The following SLC2A13 variants were observed in gnomAD, a reference collection of about 807,000 sequenced individuals.
SLC2A13 encodes proton myo-inositol cotransporter.
SLC2A13 carries 32 observed loss-of-function variants against 64.4 expected under a neutral mutation model. That is an observed-to-expected ratio of 0.50 (90% CI 0.37 to 0.67). SLC2A13 has a LOEUF of 0.67. SLC2A13 is among the 30% of genes least tolerant of loss of function. The probability of loss-of-function intolerance (pLI) is 0.00; values close to 1 mark genes in which losing one functional copy is unlikely to be tolerated. For synonymous variants in SLC2A13, 338 were observed against 327.1 expected (o/e 1.03, Z -0.36); for missense variants, 743 against 829.2 (o/e 0.90, Z 1.28).
intron 7 of SLC2A13, among the ~76,000 whole-genome samples, chr12:39,814,403 A>C (rs1942280967): frequency 6.6e-6 from 1 of 152,214 alleles, no homozygotes; most frequent in Non-Finnish European, 1.5e-5. Context: ...CTATTCCTTT[A>C]AGAACAACAC....
chr12:39,947,742 G>C (rs1162161166), intron 4 of SLC2A13, among the ~76,000 whole-genome samples: 1 of 145,508 alleles, frequency 6.9e-6, no homozygotes, highest in African/African-American at 2.6e-5. Context: ...CTCACTTCAA[G>C]CTCTGCCTCA....
chr12:39,863,695 A>T (rs1290481136), intron 6 of SLC2A13, among the ~76,000 whole-genome samples: 1 of 152,172 alleles, frequency 6.6e-6, no homozygotes, highest in Non-Finnish European at 1.5e-5. Context: ...AGACTATGAA[A>T]GTCAGTGAGC....
At chr12:39,960,925 T>C (rs1303159467) in intron 3 of SLC2A13, among the ~76,000 whole-genome samples, 1 of 148,860 alleles carries the variant, frequency 6.7e-6, no homozygotes, top group African/African-American at 2.5e-5. Context: ...ATTTTGTATT[T>C]TGGTAGAGAT....
intron 3 of SLC2A13, among the ~76,000 whole-genome samples, chr12:40,021,497 G>A (rs1416821479): frequency 1.3e-5 from 2 of 152,192 alleles, no homozygotes; most frequent in Non-Finnish European, 2.9e-5. Context: ...CATAAGGATT[G>A]AGAATTAAAG....
At chr12:39,986,252 G>T (rs1029049442) in intron 3 of SLC2A13, among the ~76,000 whole-genome samples, 1 of 152,060 alleles carries the variant, frequency 6.6e-6, no homozygotes, top group African/African-American at 2.4e-5. Context: ...TTCAATATAT[G>T]AATTGGGGTG....
intron 7 of SLC2A13, among the ~76,000 whole-genome samples, chr12:39,806,407 C>T (rs1476116006): frequency 6.6e-6 from 1 of 152,190 alleles, no homozygotes; most frequent in Non-Finnish European, 1.5e-5. Context: ...AAATGGCATT[C>T]TGTCCCCTGA....
intron 3 of SLC2A13, among the ~76,000 whole-genome samples, chr12:40,019,342 A>T (rs1451363925): frequency 7.0e-6 from 1 of 143,598 alleles, no homozygotes; most frequent in African/African-American, 2.6e-5. Flanking sequence ...GCTCTTTAAG[A>T]GCAAGGACAA....
chr12:39,822,808 A>G (rs189417004), intron 7 of SLC2A13, among the ~76,000 whole-genome samples: 2 of 152,372 alleles, frequency 1.3e-5, no homozygotes, highest in Admixed American at 1.3e-4. Flanking sequence ...TGAAAATGAA[A>G]GGTAGTTAAA....
chr12:39,783,751 G>C (rs536324465), intron 7 of SLC2A13, among the ~76,000 whole-genome samples: 1 of 152,188 alleles, frequency 6.6e-6, no homozygotes, highest in East Asian at 1.9e-4. Flanking sequence ...GTTCTTTGTA[G>C]ATTCTGGATA....
chr12:39,904,800 T>C (rs1945223337), intron 4 of SLC2A13, among the ~76,000 whole-genome samples: 1 of 152,150 alleles, frequency 6.6e-6, no homozygotes, highest in African/African-American at 2.4e-5. Context: ...GCTACTTCTT[T>C]AGTGCATATT....
intron 6 of SLC2A13, among the ~76,000 whole-genome samples, chr12:39,857,589 A>AT (rs1479960004): frequency 2.0e-5 from 3 of 152,072 alleles, no homozygotes; most frequent in Non-Finnish European, 4.4e-5. Context: ...TCTGTAATCA[A>AT]TTTTCCACTC....
chr12:39,782,903 G>C (rs1941047138), intron 7 of SLC2A13, among the ~76,000 whole-genome samples: 1 of 152,026 alleles, frequency 6.6e-6, no homozygotes, highest in South Asian at 2.1e-4. Context: ...TAAGTTCTAG[G>C]GTACATGTGC....
At chr12:39,875,125 C>A (rs951900880) in intron 4 of SLC2A13, among the ~76,000 whole-genome samples, 1 of 152,184 alleles carries the variant, frequency 6.6e-6, no homozygotes, top group Middle Eastern at 3.2e-3. Flanking sequence ...TAAAACAAAA[C>A]ACATTTATTA....
At chr12:39,982,748 C>A (rs1444554400) in intron 3 of SLC2A13, among the ~76,000 whole-genome samples, 1 of 149,112 alleles carries the variant, frequency 6.7e-6, no homozygotes, top group Non-Finnish European at 1.5e-5. Context: ...AATGGCCATA[C>A]TGCCCAAGGT....
intron 4 of SLC2A13, among the ~76,000 whole-genome samples, chr12:39,884,700 C>T (rs1944428795): frequency 6.6e-6 from 1 of 152,146 alleles, no homozygotes; most frequent in South Asian, 2.1e-4. Flanking sequence ...AGTTCTATGA[C>T]AGCAGTAAAG....
chr12:39,867,632 A>T (rs1277769664), intron 5 of SLC2A13, among the ~76,000 whole-genome samples: 1 of 152,210 alleles, frequency 6.6e-6, no homozygotes, highest in Non-Finnish European at 1.5e-5. Context: ...TATTCTGTAT[A>T]TAGAAAATTC....
rs192498564 is a variant in SLC2A13 at position 39,924,100 on chromosome 12, A to G, written c.1034+27157T>C. ...TGTTATGTTAAAATAATTTTCTTTCATTTATCTTTTGAATGTTAATAATGT... is the reference window on the plus strand; with the variant it reads ...TGTTATGTTAAAATAATTTTCTTTCGTTTATCTTTTGAATGTTAATAATGT... On this transcript the variant is annotated intron_variant, in intron 4 of 9. Coordinates refer to ENST00000280871, the MANE Select transcript of SLC2A13 (RefSeq NM_052885.4). 2.5e-3 allele frequency among the ~76,000 whole-genome samples: 380 copies of G among 152,250 alleles called. 3 individuals are homozygous for G. The highest frequency in any genetic ancestry group is 8.8e-3 in the African/African-American group (366 of 41,578).
chr12:40,055,542 T>G (rs1948320952), intron 1 of SLC2A13, among the ~76,000 whole-genome samples: 1 of 152,240 alleles, frequency 6.6e-6, no homozygotes, highest in South Asian at 2.1e-4. Context: ...ATAAGTTGCC[T>G]AAGTGTCAAG....
intron 4 of SLC2A13, among the ~76,000 whole-genome samples, chr12:39,888,843 T>G (rs1052838570): frequency 2.6e-5 from 4 of 152,212 alleles, no homozygotes; most frequent in African/African-American, 9.6e-5. Context: ...TTGTGACACA[T>G]ACTACTATGA....
Sources: gnomAD v4.1 joint callset for allele counts (sites outside exome capture counted in the v4.1 genomes callset) on GRCh38, gnomAD v4.1.1 for gene constraint, MANE v1.5 for transcripts, NCBI Gene and HGNC (gene_info 2026-07-23, HGNC 2026-07-21) for gene names.